Variants in SH3D19 observed in about 807,000 individuals in gnomAD.
The protein encoded by SH3D19 is SH3 domain containing 19.
In SH3D19, 58 loss-of-function variants were observed where a neutral mutation model predicts 112.1. The observed-to-expected ratio is 0.52, with a 90% CI of 0.42 to 0.64. SH3D19 has a LOEUF of 0.64. Ranked by LOEUF, SH3D19 falls within the 30% of genes least tolerant of loss-of-function variation. SH3D19 has a pLI of 0.00. For missense variants in SH3D19, 1,090 were observed against 1,263.4 expected, an observed-to-expected ratio of 0.86 and a Z score of 2.08; for synonymous variants, 391 against 448.5, an observed-to-expected ratio of 0.87 and a Z score of 1.62.
At chr4:151,150,274 TAC>T (rs1161667547) in intron 9 of SH3D19, among the ~76,000 whole-genome samples, 7 of 133,460 alleles carry the variant, frequency 5.2e-5, no homozygotes, top group Non-Finnish European at 9.4e-5. Context: ...TACATATATA[TAC>T]ACACACATAT....
Position 151,122,003 on chromosome 4 carries a change from TA to T in SH3D19, c.*87del, listed in dbSNP as rs926794676. 407 of 705,028 alleles carry T rather than the reference TA, an allele frequency of 5.8e-4. 1 individual carries two copies. The highest frequency in any genetic ancestry group is 1.2e-3 in the East Asian group (48 of 39,542). 43.7% of individuals were successfully genotyped at this position (705,028 alleles called of 1,614,324 possible). On this transcript the variant is annotated 3_prime_UTR_variant, in exon 20 of 20. Transcript: ENST00000604030. ...ACAGCTTAGATATTTCTTTTTCAGT[TA>T]AAAAAAATAGTGCAAAAACATATCT...
intron 19 of SH3D19, among the ~76,000 whole-genome samples, chr4:151,122,510 A>ATC (rs760500907): frequency 8.2e-3 from 400 of 48,756 alleles, no homozygotes; most frequent in Non-Finnish European, 0.016. Context: ...AATACCAGTT[A>ATC]TCACACACAC....
intron 2 of SH3D19, among the ~76,000 whole-genome samples, chr4:151,214,992 G>T (rs1425196744): frequency 6.8e-6 from 1 of 148,094 alleles, no homozygotes; most frequent in East Asian, 2.1e-4. Context: ...CCTCCCAGAC[G>T]GGGTCGCGAC....
At position 151,256,715 on chromosome 4, in the gene SH3D19, G is replaced by T. The variant is rs866476352; in HGVS notation, c.113-30629C>A. ...TGTTGTTTTTTTTTTTTTTTGGCTTGGCCTCTAGAAAGCTTCAAGTTAATT... is the reference window on the plus strand; with the variant it reads ...TGTTGTTTTTTTTTTTTTTTGGCTTTGCCTCTAGAAAGCTTCAAGTTAATT... On this transcript the variant is annotated intron_variant, in intron 1 of 19. Coordinates refer to ENST00000604030, the MANE Select transcript of SH3D19 (RefSeq NM_001378122.1). Among the ~76,000 whole-genome samples, 150 of 97,344 alleles carry T rather than the reference G, an allele frequency of 1.5e-3. 1 individual carries two copies. Among genetic ancestry groups the T allele is most frequent in the African/African-American group, 4.6e-3 (129 of 27,980 alleles). The allele number at this position is 97,344 out of a possible 152,430, so 63.9% of individuals were successfully genotyped here. A position where few individuals can be genotyped will look rare whatever the true frequency, so the allele number is the denominator to read the frequency against.
intron 2 of SH3D19, among the ~76,000 whole-genome samples, chr4:151,218,372 C>T (rs1203984700): frequency 2.0e-5 from 3 of 151,938 alleles, no homozygotes; most frequent in Non-Finnish European, 4.4e-5. Flanking sequence ...TCAAAAAGGT[C>T]TCCTGATGCC....
chr4:151,203,230 C>A (rs977423080), intron 2 of SH3D19, among the ~76,000 whole-genome samples: 2 of 152,186 alleles, frequency 1.3e-5, no homozygotes. Context: ...TCATCGCCAC[C>A]AGCCCTTTCC....
chr4:151,156,665 G>A (rs1347808487), intron 9 of SH3D19, among the ~76,000 whole-genome samples: 1 of 152,074 alleles, frequency 6.6e-6, no homozygotes, highest in Non-Finnish European at 1.5e-5. Context: ...CTCTTTATAA[G>A]ACTCAACTCA....
intron 1 of SH3D19, among the ~76,000 whole-genome samples, chr4:151,241,894 T>G (rs1770586883): frequency 6.7e-6 from 1 of 150,320 alleles, no homozygotes; most frequent in Non-Finnish European, 1.5e-5. Context: ...TATTAAAAAT[T>G]TTAAAGTTCA....
intron 9 of SH3D19, among the ~76,000 whole-genome samples, chr4:151,155,769 G>C (rs1038704335): frequency 2.6e-5 from 4 of 152,024 alleles, no homozygotes; most frequent in African/African-American, 9.7e-5. Flanking sequence ...CGCACCTGTA[G>C]TCCCAGCTAC....
At chr4:151,276,184 A>C in intron 1 of SH3D19, among the ~76,000 whole-genome samples, 1 of 152,110 alleles carries the variant, frequency 6.6e-6, no homozygotes, top group Non-Finnish European at 1.5e-5. Flanking sequence ...CAAGCATCCC[A>C]ATATTTTAAG....
intron 19 of SH3D19, among the ~76,000 whole-genome samples, chr4:151,126,518 G>A (rs976427971): frequency 7.9e-5 from 12 of 152,086 alleles, no homozygotes; most frequent in East Asian, 1.9e-4. Flanking sequence ...ACTTTTGGCC[G>A]GGCGCGGTGG....
chr4:151,146,858 C>G (rs1043758851), intron 11 of SH3D19, among the ~76,000 whole-genome samples: 1 of 152,094 alleles, frequency 6.6e-6, no homozygotes, highest in Non-Finnish European at 1.5e-5. Flanking sequence ...GTGGGAAATG[C>G]AGGCAAAGGT....
intron 14 of SH3D19, among the ~76,000 whole-genome samples, chr4:151,137,500 G>T (rs1265588950): frequency 6.6e-6 from 1 of 152,178 alleles, no homozygotes; most frequent in Admixed American, 6.5e-5. Flanking sequence ...ACCTGTGGTG[G>T]TCTTTCACTT....
chr4:151,199,050 G>A (rs1764006588), intron 2 of SH3D19, among the ~76,000 whole-genome samples: 1 of 146,658 alleles, frequency 6.8e-6, no homozygotes, highest in Admixed American at 6.9e-5. Flanking sequence ...AGCCACTGGA[G>A]AACTTTCCCA....
intron 1 of SH3D19, among the ~76,000 whole-genome samples, chr4:151,285,538 T>C (rs560711665): frequency 1.3e-5 from 2 of 152,274 alleles, no homozygotes; most frequent in African/African-American, 2.4e-5. Flanking sequence ...AAACAACATA[T>C]CAAATCTTAT....
At chr4:151,237,998 T>G (rs1391527172) in intron 1 of SH3D19, among the ~76,000 whole-genome samples, 1 of 152,178 alleles carries the variant, frequency 6.6e-6, no homozygotes, top group Non-Finnish European at 1.5e-5. Context: ...GATTTTCATT[T>G]TCCCACTGTA....
chr4:151,321,096 TA>T (rs1003412545), intron 1 of SH3D19, among the ~76,000 whole-genome samples: 10 of 152,104 alleles, frequency 6.6e-5, no homozygotes, highest in African/African-American at 2.4e-4. Context: ...CTTACAAACT[TA>T]ATGTTGAGTG....
chr4:151,244,234 C>CA (rs1053056459), intron 1 of SH3D19, among the ~76,000 whole-genome samples: 4 of 139,990 alleles, frequency 2.9e-5, no homozygotes, highest in South Asian at 2.2e-4. Context: ...AACAAATACA[C>CA]AAAAAAACCC....
At chr4:151,300,726 AT>A (rs1470909928) in intron 1 of SH3D19, 4 of 130,262 alleles carry the variant, frequency 3.1e-5, no homozygotes, top group Admixed American at 2.3e-4. Flanking sequence ...TTTGTGTTTT[AT>A]AAAAATTGCT....
Sources: gnomAD v4.1 joint callset for allele counts (sites outside exome capture counted in the v4.1 genomes callset) on GRCh38, gnomAD v4.1.1 for gene constraint, MANE v1.5 for transcripts, NCBI Gene and HGNC (gene_info 2026-07-23, HGNC 2026-07-21) for gene names.